Variants in TENM4 observed in about 807,000 individuals in gnomAD.
TENM4 encodes teneurin transmembrane protein 4, also known as teneurin-4.
TENM4 carries 82 observed loss-of-function variants against 243.3 expected under a neutral mutation model. That is an observed-to-expected ratio of 0.34 (90% CI 0.28 to 0.40). The LOEUF is 0.40. TENM4 is among the 10% of genes least tolerant of loss of function. The probability of loss-of-function intolerance (pLI) is 1.00; values close to 1 mark genes in which losing one functional copy is unlikely to be tolerated. For synonymous variants in TENM4, 1,412 were observed against 1,456.3 expected (o/e 0.97, Z 0.69); for missense variants, 3,138 against 3,673.3 (o/e 0.85, Z 3.77).
chr11:78,757,513 G>A lies in TENM4; in HGVS notation c.2540-492C>T, dbSNP rs112781092. On this transcript the variant is annotated intron_variant, in intron 18 of 33. Coordinates refer to ENST00000278550, the MANE Select transcript of TENM4 (RefSeq NM_001098816.3). Reference sequence around the variant, plus strand: ...AGCAGGAGGTGACTTCATCTGGTGTGCACTCCTGAAACCAAAGGGGGCCTC... The same window carrying A: ...AGCAGGAGGTGACTTCATCTGGTGTACACTCCTGAAACCAAAGGGGGCCTC... 5.9e-3 allele frequency among the ~76,000 whole-genome samples: 902 copies of A among 152,338 alleles called. 4 individuals are homozygous for A. The highest frequency in any genetic ancestry group is 0.017 in the Middle Eastern group (5 of 294).
In TENM4 at chr11:78,862,898, GA is replaced by G. The variant is rs1858858827; in HGVS notation, c.1255+63del. ...AGGCACATGATGCACGCACGTTATG[GA>G]GGGCTCTTCAGCTCAGAGGCAGACA... On this transcript the variant is annotated intron_variant, in intron 10 of 33. Coordinates refer to ENST00000278550, the MANE Select transcript of TENM4 (RefSeq NM_001098816.3). The G allele has an allele frequency of 8.3e-6, 11 of 1,319,286 alleles. No homozygotes were observed. The Admixed American group carries it at 3.3e-4, about 39-fold the overall frequency. The allele number at this position is 1,319,286 out of a possible 1,614,324, so 81.7% of individuals were successfully genotyped here.
chr11:78,873,830 T>C (rs1407662336), intron 9 of TENM4, among the ~76,000 whole-genome samples: 10 of 152,158 alleles, frequency 6.6e-5, no homozygotes, highest in Admixed American at 6.5e-4. Flanking sequence ...AGTCTCACTT[T>C]GTGTGGATTT....
At chr11:79,012,167 A>C (rs1858663252) in intron 6 of TENM4, among the ~76,000 whole-genome samples, 1 of 152,162 alleles carries the variant, frequency 6.6e-6, no homozygotes, top group South Asian at 2.1e-4. Context: ...TGATCAGCAC[A>C]ATTTCCAGAT....
intron 1 of TENM4, among the ~76,000 whole-genome samples, chr11:79,347,029 T>C (rs1169409498): frequency 1.3e-5 from 2 of 152,156 alleles, no homozygotes; most frequent in East Asian, 3.9e-4. Context: ...GGTTTCACTT[T>C]CCCCTTTCAG....
At chr11:79,217,404 T>C (rs894524581) in intron 2 of TENM4, among the ~76,000 whole-genome samples, 2 of 152,140 alleles carry the variant, frequency 1.3e-5, no homozygotes, top group East Asian at 3.9e-4. Context: ...CACTTAGGCA[T>C]AGGAGGTTAA....
intron 6 of TENM4, among the ~76,000 whole-genome samples, chr11:78,905,545 C>A (rs937455341): frequency 6.6e-6 from 1 of 152,196 alleles, no homozygotes; most frequent in African/African-American, 2.4e-5. Context: ...TGTCTTCCAG[C>A]CTCTTCTCCC....
rs1303210200 is a variant in TENM4 at position 79,151,174 on chromosome 11, CT to C, written c.-162-2369del. Among the ~76,000 whole-genome samples the C allele has an allele frequency of 3.3e-5, 5 of 152,288 alleles. No individual in the cohort carries two copies. The East Asian group carries it at 9.7e-4, about 29-fold the overall frequency. ...TTTTGCTTCCCTCTGAAGGGAAGGC[CT>C]TTATCCATACTGTGTGCTGAGAAAA... On this transcript the variant is annotated intron_variant, in intron 3 of 33. Transcript: ENST00000278550.
At chr11:79,373,453 G>A (rs1052619202) in intron 1 of TENM4, among the ~76,000 whole-genome samples, 17 of 152,124 alleles carry the variant, frequency 1.1e-4, no homozygotes, top group Admixed American at 7.8e-4. Flanking sequence ...TGGATGGCTC[G>A]TTGAAAGGTT....
intron 1 of TENM4, among the ~76,000 whole-genome samples, chr11:79,379,124 C>T (rs1176432011): frequency 2.0e-5 from 3 of 152,048 alleles, no homozygotes; most frequent in Non-Finnish European, 2.9e-5. Context: ...CCTTTACAAG[C>T]GAGGGTGCTG....
intron 4 of TENM4, among the ~76,000 whole-genome samples, chr11:79,129,772 C>T (rs771294253): frequency 6.6e-6 from 1 of 152,106 alleles, no homozygotes; most frequent in Non-Finnish European, 1.5e-5. Context: ...CCTAGCCCTG[C>T]CCCCGACCTG....
chr11:79,215,948 G>C, intron 2 of TENM4, 39 bp from the exon 3 acceptor site: 1 of 780,648 alleles, frequency 1.3e-6, no homozygotes, highest in Non-Finnish European at 1.6e-6. Flanking sequence ...TGAGTGAGGT[G>C]GCAAGATGCC....
chr11:79,022,650 G>A (rs945105079), intron 6 of TENM4, among the ~76,000 whole-genome samples: 10 of 152,176 alleles, frequency 6.6e-5, no homozygotes, highest in Non-Finnish European at 1.5e-4. Flanking sequence ...ACACACGATA[G>A]CATTTTTGGT....
intron 6 of TENM4, among the ~76,000 whole-genome samples, chr11:78,914,782 T>C (rs1856275040): frequency 1.3e-5 from 2 of 152,164 alleles, no homozygotes; most frequent in Non-Finnish European, 2.9e-5. Flanking sequence ...AACCAATTCC[T>C]CTAGCTGTCA....
At chr11:78,838,267 C>A (rs1404251561) in intron 12 of TENM4, among the ~76,000 whole-genome samples, 1 of 152,120 alleles carries the variant, frequency 6.6e-6, no homozygotes, top group Non-Finnish European at 1.5e-5. Flanking sequence ...GATCATAATG[C>A]CTTTTTTCCT....
At chr11:78,888,621 C>A (rs937595355) in intron 9 of TENM4, among the ~76,000 whole-genome samples, 2 of 152,218 alleles carry the variant, frequency 1.3e-5, no homozygotes, top group Non-Finnish European at 2.9e-5. Flanking sequence ...TTGTATTAAT[C>A]ATTCTTAGTG....
rs770955010 is a variant in TENM4, at chr11:78,658,668, C to A, written c.7700G>T (p.Gly2567Val). 1.2e-6 allele frequency: 2 copies of A among 1,614,074 alleles called. No individual in the cohort carries two copies. Among genetic ancestry groups the A allele is most frequent in the Admixed American group, 3.3e-5 (2 of 60,026 alleles). Residue 2567 changes from glycine (G) to valine (V), a missense_variant, in exon 34 of 34, where the codon GGC (glycine) becomes GTC (valine). Gly to Val is a moderately radical substitution (Grantham distance 109). Around this residue, in one of 2 missense-constraint regions of TENM4, gnomAD observed 2,467 missense variants for 3,059.1 expected, o/e 0.81. Transcript: ENST00000278550. ...CTTCAAGGCAAACTTGACCCCCTTG[C>A]CAAAGACTGAGCCGCTGGATGCAAA... Reference protein sequence around the residue: ...KKFASSGSVFGKGVKFALKDG... With the variant: ...KKFASSGSVFVKGVKFALKDG...
At chr11:78,712,776 T>G in intron 25 of TENM4, 62 bp from the exon 26 acceptor site, 3 of 1,465,538 alleles carry the variant, frequency 2.0e-6, no homozygotes, top group Non-Finnish European at 2.8e-6. Flanking sequence ...TAGCTGGAGA[T>G]GTACAGATGA....
At chr11:79,090,584 G>A (rs570718391) in intron 4 of TENM4, among the ~76,000 whole-genome samples, 6 of 152,336 alleles carry the variant, frequency 3.9e-5, no homozygotes, top group African/African-American at 1.2e-4. Context: ...GCACAGAGAC[G>A]CTCAGGACTT....
At chr11:78,896,375 C>T (rs1855796193) in intron 7 of TENM4, among the ~76,000 whole-genome samples, 2 of 152,042 alleles carry the variant, frequency 1.3e-5, no homozygotes, top group South Asian at 4.2e-4. Context: ...AAAAAATGAA[C>T]CAGGCACCAG....
Sources: gnomAD v4.1 joint callset for allele counts (sites outside exome capture counted in the v4.1 genomes callset) on GRCh38, gnomAD v4.1.1 for gene constraint, gnomAD v4.1.1 regional missense constraint, MANE v1.5 for transcripts, NCBI Gene and HGNC (gene_info 2026-07-23, HGNC 2026-07-21) for gene names.